The following GRM7 variants were observed in gnomAD, a reference collection of about 807,000 sequenced individuals.
The protein encoded by GRM7 is metabotropic glutamate receptor 7.
GRM7 carries 35 observed loss-of-function variants against 84.5 expected under a neutral mutation model. The ratio of observed to expected loss-of-function variants is 0.41; its 90% CI spans 0.32 to 0.55. The LOEUF (loss-of-function observed/expected upper bound fraction) is 0.55, where lower values mean the gene tolerates loss of function less well. Among genes scored for constraint, GRM7 ranks in the 20% least tolerant of loss-of-function variants. The pLI, the probability that GRM7 is intolerant of heterozygous loss-of-function variation, is 0.19. For missense variants in GRM7, 1,003 were observed against 1,194.6 expected (o/e 0.84, Z 2.36); for synonymous variants, 487 against 455.1 (o/e 1.07, Z -0.89).
At chr3:7,435,329 A>T (rs988476247) in intron 5 of GRM7, among the ~76,000 whole-genome samples, 1 of 151,688 alleles carries the variant, frequency 6.6e-6, no homozygotes, top group African/African-American at 2.4e-5. Flanking sequence ...ACCCCTGGGT[A>T]GTTTTTTTAT....
chr3:7,098,814 C>A lies in GRM7; in HGVS notation c.520-47638C>A, dbSNP rs775665074. ...TGGTTCATTAGAATGTCAGGTTATG[C>A]GTCTGATGCATTTTCCATTTAAGGA... On this transcript the variant is annotated intron_variant, in intron 1 of 9. Coordinates refer to ENST00000357716, the MANE Select transcript of GRM7 (RefSeq NM_000844.4). Among the ~76,000 whole-genome samples the A allele has an allele frequency of 9.9e-5, 15 of 151,934 alleles. 1 individual carries two copies. Among genetic ancestry groups the A allele is most frequent in the Non-Finnish European group, 2.1e-4 (14 of 67,862 alleles).
At chr3:7,616,038 G>GTAGAAAGGTTGATCTGAAGT (rs1163943809) in intron 8 of GRM7, among the ~76,000 whole-genome samples, 1 of 152,010 alleles carries the variant, frequency 6.6e-6, no homozygotes, top group Non-Finnish European at 1.5e-5. Flanking sequence ...GTTGTACTCA[G>GTAGAAAGGTTGATCTGAAGT]TAGAAAGGTT....
In GRM7 at chr3:7,367,289, A is replaced by G. The variant is rs919138481; in HGVS notation, c.1034-47734A>G. On this transcript the variant is annotated intron_variant, in intron 4 of 9. Transcript: ENST00000357716. The stretch of plus-strand genomic sequence containing the variant: ...ATTCTGTATGTACGACACCATTGCT[A>G]TATTTCCAGTGATTTTTTTTTGCCT... Among the ~76,000 whole-genome samples, 6 of 151,806 alleles carry G rather than the reference A, an allele frequency of 4.0e-5. No homozygotes were observed. The South Asian group carries it at 8.3e-4, about 21-fold the overall frequency.
intron 8 of GRM7, among the ~76,000 whole-genome samples, chr3:7,649,360 T>C (rs1382339389): frequency 6.6e-6 from 1 of 152,148 alleles, no homozygotes; most frequent in Non-Finnish European, 1.5e-5. Context: ...AGTGCTGGGA[T>C]TACAGGTGTG....
chr3:7,503,650 A>T (rs958429926), intron 7 of GRM7, among the ~76,000 whole-genome samples: 5 of 152,240 alleles, frequency 3.3e-5, no homozygotes, highest in Non-Finnish European at 7.4e-5. Context: ...TGTATGATAG[A>T]TGATTACTTC....
chr3:6,871,859 G>T (rs1389206797), intron 1 of GRM7, among the ~76,000 whole-genome samples: 2 of 151,990 alleles, frequency 1.3e-5, no homozygotes, highest in Non-Finnish European at 2.9e-5. Context: ...ACGGAACAGA[G>T]GGTAATTGTG....
intron 7 of GRM7, among the ~76,000 whole-genome samples, chr3:7,531,196 C>G (rs944882533): frequency 3.3e-5 from 5 of 152,050 alleles, no homozygotes; most frequent in Non-Finnish European, 7.4e-5. Context: ...ATTTATTAAA[C>G]AGGGAATCTT....
chr3:7,111,679 T>C (rs534636289), intron 1 of GRM7, among the ~76,000 whole-genome samples: 1 of 152,296 alleles, frequency 6.6e-6, no homozygotes, highest in Non-Finnish European at 1.5e-5. Flanking sequence ...TGTTTTCAAC[T>C]GCATTTTCTT....
chr3:6,870,008 C>A (rs1319806436), intron 1 of GRM7, among the ~76,000 whole-genome samples: 1 of 152,058 alleles, frequency 6.6e-6, no homozygotes. Flanking sequence ...TCTCCTTCTC[C>A]TTTCCTCTTC....
chr3:7,315,998 G>T (rs1257160107), intron 4 of GRM7, among the ~76,000 whole-genome samples: 1 of 152,050 alleles, frequency 6.6e-6, no homozygotes, highest in Non-Finnish European at 1.5e-5. Context: ...TAAATGGAGT[G>T]GTCAAGATAC....
chr3:7,176,249 AAAAAAAAAAAAAAT>A (rs1574994167), intron 2 of GRM7, among the ~76,000 whole-genome samples: 2 of 148,058 alleles, frequency 1.4e-5, no homozygotes, highest in East Asian at 3.9e-4. Flanking sequence ...AAAAAAAAAA[AAAAAAAAAAAAAAT>A]AGCTGGGTGT....
intron 2 of GRM7, among the ~76,000 whole-genome samples, chr3:7,249,035 C>T (rs1697881613): frequency 6.6e-6 from 1 of 152,094 alleles, no homozygotes; most frequent in Non-Finnish European, 1.5e-5. Flanking sequence ...TTTACATTAA[C>T]TCGAGGACTT....
chr3:7,616,584 C>G (rs1048091783), intron 8 of GRM7, among the ~76,000 whole-genome samples: 4 of 152,144 alleles, frequency 2.6e-5, no homozygotes, highest in Non-Finnish European at 5.9e-5. Context: ...TTTGTTCATT[C>G]ACTAGTGAAT....
chr3:7,687,053 T>C (rs1700614996), intron 9 of GRM7, among the ~76,000 whole-genome samples: 1 of 151,516 alleles, frequency 6.6e-6, no homozygotes, highest in East Asian at 1.9e-4. Context: ...TGATGATTTG[T>C]GGCTCATAGT....
intron 7 of GRM7, among the ~76,000 whole-genome samples, chr3:7,470,921 T>G (rs1406359950): frequency 6.6e-6 from 1 of 151,962 alleles, no homozygotes; most frequent in African/African-American, 2.4e-5. Flanking sequence ...GAAGTAGATT[T>G]AAAGTGCTTC....
intron 1 of GRM7, among the ~76,000 whole-genome samples, chr3:7,133,405 G>A (rs532280841): frequency 1.6e-4 from 24 of 152,248 alleles, no homozygotes; most frequent in Non-Finnish European, 2.6e-4. Context: ...GAACTATTTG[G>A]TTTTGACAAC....
chr3:7,491,813 A>G (rs944051061), intron 7 of GRM7, among the ~76,000 whole-genome samples: 3 of 152,240 alleles, frequency 2.0e-5, no homozygotes, highest in African/African-American at 7.2e-5. Context: ...TATGGTTCTT[A>G]GTACATGGTG....
At chr3:6,929,782 G>A (rs1392239637) in intron 1 of GRM7, among the ~76,000 whole-genome samples, 2 of 152,204 alleles carry the variant, frequency 1.3e-5, no homozygotes, top group East Asian at 3.9e-4. Flanking sequence ...GTGGCCTGGA[G>A]GTGTGTAGGG....
At chr3:7,449,952 A>G (rs1697698476) in intron 5 of GRM7, among the ~76,000 whole-genome samples, 1 of 152,158 alleles carries the variant, frequency 6.6e-6, no homozygotes, top group Non-Finnish European at 1.5e-5. Flanking sequence ...AATTAAATCA[A>G]TGCATTTTAT....
Sources: gnomAD v4.1 joint callset for allele counts (sites outside exome capture counted in the v4.1 genomes callset) on GRCh38, gnomAD v4.1.1 for gene constraint, MANE v1.5 for transcripts, NCBI Gene and HGNC (gene_info 2026-07-23, HGNC 2026-07-21) for gene names.